ZFHX3: variants seen among roughly 807,000 people sequenced by gnomAD.
The protein encoded by ZFHX3 is zinc finger homeobox 3, also known as zinc finger homeobox protein 3.
ZFHX3 carries 42 observed loss-of-function variants against 279.1 expected under a neutral mutation model. The ratio of observed to expected loss-of-function variants is 0.15; its 90% CI spans 0.12 to 0.19. The LOEUF (loss-of-function observed/expected upper bound fraction) is 0.19, where lower values mean the gene tolerates loss of function less well. ZFHX3 is among the 10% of genes least tolerant of loss of function. ZFHX3 has a pLI of 1.00. For missense variants in ZFHX3, 4,981 were observed against 4,754.0 expected, an observed-to-expected ratio of 1.05 and a Z score of -1.40; for synonymous variants, 2,293 against 1,957.8, an observed-to-expected ratio of 1.17 and a Z score of -4.52.
At chr16:73,313,090 T>C (rs2015363424) in intron 4 of ZFHX3, among the ~76,000 whole-genome samples, 1 of 152,184 alleles carries the variant, frequency 6.6e-6, no homozygotes, top group Admixed American at 6.5e-5. Context: ...GCTGTTCTCA[T>C]GATAGCGAGT....
chr16:73,184,478 G>C (rs1341018900), intron 5 of ZFHX3, among the ~76,000 whole-genome samples: 2 of 152,168 alleles, frequency 1.3e-5, no homozygotes, highest in Non-Finnish European at 2.9e-5. Flanking sequence ...CTGCTTCTAA[G>C]CCAGGAGGTG....
intron 1 of ZFHX3, among the ~76,000 whole-genome samples, chr16:73,805,136 A>G (rs8047441): frequency 0.034 from 5,115 of 152,100 alleles, 157 homozygotes; most frequent in African/African-American, 0.085. Context: ...TTTCATAAGT[A>G]CCTCTTTATA....
At chr16:72,928,165 A>G (rs1597385592) in intron 3 of ZFHX3, among the ~76,000 whole-genome samples, 1 of 23,514 alleles carries the variant, frequency 4.3e-5, no homozygotes, top group African/African-American at 2.5e-4. Context: ...GAGGGGAGAG[A>G]GGGAGGGGGA....
rs752001880 is a variant in ZFHX3, at chr16:73,507,485, C to CTTTTTTTTTTTTT, written c.-1546-51240_-1546-51228dup. Among the ~76,000 whole-genome samples, 31 of 79,790 alleles carry CTTTTTTTTTTTTT rather than the reference C, an allele frequency of 3.9e-4. 3 individuals are homozygous for CTTTTTTTTTTTTT. Among genetic ancestry groups the CTTTTTTTTTTTTT allele is most frequent in the East Asian group, 2.3e-3 (4 of 1,722 alleles). 52.3% of individuals were successfully genotyped at this position (79,790 alleles called of 152,430 possible). The stretch of plus-strand genomic sequence containing the variant: ...AAATGCGTGAAATTCAGCTCTGCCA[C>CTTTTTTTTTTTTT]TTTTTTTTTTTTTTTTTTTTTTTTT... On this transcript the variant is annotated intron_variant, in intron 2 of 17. Coordinates refer to the ZFHX3 transcript ENST00000641206.
intron 2 of ZFHX3, among the ~76,000 whole-genome samples, chr16:73,662,741 G>T (rs1276208794): frequency 6.6e-6 from 1 of 152,126 alleles, no homozygotes; most frequent in Non-Finnish European, 1.5e-5. Flanking sequence ...AATTCAAGGC[G>T]AAAATTCAAA....
intron 4 of ZFHX3, among the ~76,000 whole-genome samples, chr16:72,871,784 T>A (rs947168284): frequency 4.0e-5 from 6 of 148,374 alleles, no homozygotes; most frequent in African/African-American, 7.3e-5. Flanking sequence ...GCCAAAATTT[T>A]AAAAATTTTT....
At chr16:73,104,221 G>GTATTTATGTATTTATGTATTTATT in intron 7 of ZFHX3, among the ~76,000 whole-genome samples, 1 of 151,624 alleles carries the variant, frequency 6.6e-6, no homozygotes, top group South Asian at 2.1e-4. Flanking sequence ...TTTATTTTAT[G>GTATTTATGTATTTATGTATTTATT]TATTTATTTA....
chr16:72,951,938 T>C (rs959174070), intron 2 of ZFHX3, among the ~76,000 whole-genome samples: 15 of 152,236 alleles, frequency 9.9e-5, no homozygotes, highest in Non-Finnish European at 2.9e-5. Context: ...GGTTGGATAG[T>C]GCATCTCTAA....
intron 1 of ZFHX3, among the ~76,000 whole-genome samples, chr16:73,844,607 A>AGGGATGGG (rs1183528189): frequency 6.6e-6 from 1 of 151,890 alleles, no homozygotes; most frequent in Non-Finnish European, 1.5e-5. Context: ...TGCTCGAGGG[A>AGGGATGGG]GGGATGGGGG....
At chr16:73,246,501 G>A (rs913616372) in intron 5 of ZFHX3, among the ~76,000 whole-genome samples, 2 of 152,198 alleles carry the variant, frequency 1.3e-5, no homozygotes, top group East Asian at 1.9e-4. Flanking sequence ...GAACCCCGAG[G>A]TGCTGGGTGG....
chr16:73,537,342 A>AC (rs2019921742), intron 2 of ZFHX3, among the ~76,000 whole-genome samples: 1 of 32,952 alleles, frequency 3.0e-5, no homozygotes, highest in Non-Finnish European at 6.8e-5. Flanking sequence ...TTTTTTTTTT[A>AC]GTCTCACTCT....
intron 1 of ZFHX3, among the ~76,000 whole-genome samples, chr16:73,043,886 T>C (rs1965202896): frequency 6.6e-6 from 1 of 152,204 alleles, no homozygotes; most frequent in Non-Finnish European, 1.5e-5. Context: ...CTCTGACAGT[T>C]GTTGATTTTG....
chr16:73,094,701 T>G lies in ZFHX3; in HGVS notation c.-896-1103A>C, dbSNP rs1208979474. ...CTCCTTCCTCCTGTGAAGTGTTTTT[T>G]GTCGTTGTTGTTGCTGTTGTTATTT... is the stretch of plus-strand genomic sequence containing the variant. On this transcript the variant is annotated intron_variant, in intron 7 of 17. Coordinates refer to the ZFHX3 transcript ENST00000641206. Among the ~76,000 whole-genome samples, 4 of 152,128 alleles carry G rather than the reference T, an allele frequency of 2.6e-5. No homozygotes were observed. The South Asian group carries it at 6.2e-4, about 24-fold the overall frequency.
chr16:72,946,591 A>T (rs1287265401), intron 3 of ZFHX3, among the ~76,000 whole-genome samples: 1 of 152,178 alleles, frequency 6.6e-6, no homozygotes, highest in Non-Finnish European at 1.5e-5. Flanking sequence ...CCGGGTAGAA[A>T]GCAGCACACA....
At chr16:73,026,442 C>T (rs1000480764) in intron 1 of ZFHX3, among the ~76,000 whole-genome samples, 13 of 151,728 alleles carry the variant, frequency 8.6e-5, no homozygotes, top group East Asian at 1.9e-4. Context: ...GAGGCCAAGG[C>T]GGGTGGATCA....
intron 2 of ZFHX3, among the ~76,000 whole-genome samples, chr16:73,533,228 G>T (rs1050689381): frequency 6.6e-6 from 1 of 151,556 alleles, no homozygotes; most frequent in Non-Finnish European, 1.5e-5. Context: ...GGAGGGCTTG[G>T]CTTCCTACTT....
chr16:72,912,491 T>A (rs777742821), intron 3 of ZFHX3, among the ~76,000 whole-genome samples: 29 of 152,118 alleles, frequency 1.9e-4, no homozygotes, highest in Admixed American at 1.6e-3. Context: ...TTTGGAAAAT[T>A]GTTGCAGGAA....
At chr16:73,875,742 C>A (rs1379974923) in intron 1 of ZFHX3, among the ~76,000 whole-genome samples, 1 of 152,102 alleles carries the variant, frequency 6.6e-6, no homozygotes, top group Non-Finnish European at 1.5e-5. Context: ...GCATGATGAA[C>A]CGGATTGCTT....
chr16:73,101,481 C>T (rs1966229705), intron 7 of ZFHX3, among the ~76,000 whole-genome samples: 1 of 152,124 alleles, frequency 6.6e-6, no homozygotes, highest in Admixed American at 6.6e-5. Flanking sequence ...CTGGTTCGAG[C>T]AATTCTCCTG....
Sources: gnomAD v4.1 joint callset for allele counts (sites outside exome capture counted in the v4.1 genomes callset) on GRCh38, gnomAD v4.1.1 for gene constraint, MANE v1.5 for transcripts, NCBI Gene and HGNC (gene_info 2026-07-23, HGNC 2026-07-21) for gene names.